Variants in ZFHX3 observed in about 807,000 individuals in gnomAD.
The protein encoded by ZFHX3 is zinc finger homeobox protein 3.
ZFHX3 carries 42 observed loss-of-function variants against 279.1 expected under a neutral mutation model. That is an observed-to-expected ratio of 0.15 (90% CI 0.12 to 0.19). The LOEUF is 0.19. ZFHX3 is among the 10% of genes least tolerant of loss of function. The probability of loss-of-function intolerance (pLI) is 1.00; values close to 1 mark genes in which losing one functional copy is unlikely to be tolerated. For synonymous variants in ZFHX3, 2,293 were observed against 1,957.8 expected, an observed-to-expected ratio of 1.17 and a Z score of -4.52; for missense variants, 4,981 against 4,754.0, an observed-to-expected ratio of 1.05 and a Z score of -1.40.
chr16:73,532,007 G>A (rs67552815), intron 2 of ZFHX3, among the ~76,000 whole-genome samples: 31,168 of 151,722 alleles, frequency 0.21, 4,195 homozygotes, highest in Non-Finnish European at 0.3. Context: ...AAAATGGCCT[G>A]AGCCCATGAG....
chr16:73,649,894 A>G (rs1164716487), intron 2 of ZFHX3, among the ~76,000 whole-genome samples: 1 of 152,316 alleles, frequency 6.6e-6, no homozygotes, highest in South Asian at 2.1e-4. Flanking sequence ...GCAAGAGGAA[A>G]TCTGCATTTG....
intron 3 of ZFHX3, among the ~76,000 whole-genome samples, chr16:73,417,988 C>CAAAAAAAAA (rs71156161): frequency 1.7e-5 from 1 of 57,854 alleles, no homozygotes; most frequent in Non-Finnish European, 2.8e-5. Context: ...GACTCCATCT[C>CAAAAAAAAA]AAAAAAAAAA....
chr16:73,159,538 T>C (rs1967176608), intron 5 of ZFHX3, among the ~76,000 whole-genome samples: 1 of 152,114 alleles, frequency 6.6e-6, no homozygotes, highest in African/African-American at 2.4e-5. Flanking sequence ...CCACTTCAGC[T>C]GACACGGAGC....
intron 7 of ZFHX3, among the ~76,000 whole-genome samples, chr16:72,808,358 A>C (rs1364832701): frequency 6.6e-6 from 1 of 152,110 alleles, no homozygotes; most frequent in Non-Finnish European, 1.5e-5. Context: ...TTCCTGCTGA[A>C]CTAAAGGCCT....
chr16:73,398,383 T>C (rs893590858), intron 3 of ZFHX3, among the ~76,000 whole-genome samples: 5 of 152,172 alleles, frequency 3.3e-5, no homozygotes, highest in Non-Finnish European at 5.9e-5. Flanking sequence ...AAACAACACA[T>C]CAGCATTTCT....
intron 8 of ZFHX3, among the ~76,000 whole-genome samples, chr16:73,091,285 C>T (rs1197778073): frequency 4.0e-5 from 6 of 151,324 alleles, no homozygotes; most frequent in East Asian, 1.9e-4. Context: ...AGCAGTGTCA[C>T]GCTTTTCCAA....
chr16:73,661,695 C>T (rs1254311305), intron 2 of ZFHX3, among the ~76,000 whole-genome samples: 1 of 145,464 alleles, frequency 6.9e-6, no homozygotes, highest in East Asian at 2.0e-4. Flanking sequence ...GCACTCCAGC[C>T]TGGACAACAA....
chr16:72,797,280 T>A lies in ZFHX3; in HGVS notation c.5402A>T (p.Tyr1801Phe). Reference sequence around the variant, plus strand: ...AAGCTGGAACTCAGCACTGGGGATGTAGAAAGGGAAGAGGAGGTGCTGCTG... The same window carrying A: ...AAGCTGGAACTCAGCACTGGGGATGAAGAAAGGGAAGAGGAGGTGCTGCTG... The part of the protein sequence containing the change: ...QQQQHLLFPF[Y>F]IPSAEFQLNP... Residue 1801 changes from tyrosine (Y) to phenylalanine (F), a missense_variant, in exon 9 of 10, where the codon TAC becomes TTC. Tyr to Phe is a conservative substitution (Grantham distance 22). This residue lies in a region of ZFHX3 where 1,751 missense variants were observed against 1,770.0 expected (regional missense o/e 0.99). Transcript: ENST00000268489. 5 of 1,610,384 alleles carry A rather than the reference T, an allele frequency of 3.1e-6. No individual in the cohort carries two copies. Among genetic ancestry groups the A allele is most frequent in the Non-Finnish European group, 4.2e-6 (5 of 1,177,790 alleles).
rs560943760 is a variant in ZFHX3 at position 72,794,967 on chromosome 16, A to G, written c.7715T>C (p.Met2572Thr). 8 of 1,614,174 alleles carry G rather than the reference A, an allele frequency of 5.0e-6. No individual in the cohort carries two copies. In the Admixed American group the frequency reaches 6.7e-5, roughly 13 times the overall value. ...ACTGGGATCAAAGAGCATGAAAGGC[A>G]TATCCAGGGACCTGTCCAAAAACTG... ...HPQFLDRSLDMPFMLFDPSNP... is the reference protein window; with the variant it reads ...HPQFLDRSLDTPFMLFDPSNP... The change falls in exon 9 of 10, where the codon ATG becomes ACG. Residue 2572 changes from methionine to threonine, a missense_variant. Physicochemically the swap from Met to Thr is moderately conservative, Grantham distance 81 (BLOSUM62 -1). Coordinates refer to ENST00000268489, the MANE Select transcript of ZFHX3 (RefSeq NM_006885.4). This position sits in a 1 kb window ranked among gnomAD's most constrained non-coding sequence, Gnocchi z 4.2.
chr16:73,529,375 G>C (rs1199297043), intron 2 of ZFHX3, among the ~76,000 whole-genome samples: 1 of 152,204 alleles, frequency 6.6e-6, no homozygotes, highest in Non-Finnish European at 1.5e-5. Context: ...AAAATATTGT[G>C]TCCGTTCTAG....
At chr16:72,946,730 C>T (rs1282239144) in intron 3 of ZFHX3, among the ~76,000 whole-genome samples, 1 of 152,194 alleles carries the variant, frequency 6.6e-6, no homozygotes, top group African/African-American at 2.4e-5. Context: ...GGGCAGAGGG[C>T]AAGCATGTGT....
chr16:73,747,298 T>C (rs1266252725), intron 1 of ZFHX3, among the ~76,000 whole-genome samples: 1 of 152,174 alleles, frequency 6.6e-6, no homozygotes, highest in Non-Finnish European at 1.5e-5. Context: ...TTGGGAGGAT[T>C]GCTTGAGCCT....
At chr16:73,735,159 C>T (rs570240410) in intron 1 of ZFHX3, among the ~76,000 whole-genome samples, 4 of 152,256 alleles carry the variant, frequency 2.6e-5, no homozygotes, top group Non-Finnish European at 4.4e-5. Flanking sequence ...ATGCACAAAA[C>T]TTGTTTCATC....
intron 5 of ZFHX3, among the ~76,000 whole-genome samples, chr16:73,255,645 C>T (rs1013952666): frequency 6.6e-6 from 1 of 152,146 alleles, no homozygotes; most frequent in Non-Finnish European, 1.5e-5. Flanking sequence ...CTGATCCTGG[C>T]AGGGAGTCTC....
chr16:73,207,857 G>A (rs2011866390), intron 5 of ZFHX3, among the ~76,000 whole-genome samples: 1 of 152,164 alleles, frequency 6.6e-6, no homozygotes, highest in Admixed American at 6.5e-5. Context: ...AACATGGCAG[G>A]TGTAAATTGC....
intron 3 of ZFHX3, among the ~76,000 whole-genome samples, chr16:73,444,487 G>A (rs1001335657): frequency 1.3e-5 from 2 of 152,180 alleles, no homozygotes; most frequent in Non-Finnish European, 2.9e-5. Flanking sequence ...TAACCACAAG[G>A]TCAGATAGTT....
At chr16:73,030,330 TCTC>T (rs994309388) in intron 1 of ZFHX3, among the ~76,000 whole-genome samples, 3 of 152,156 alleles carry the variant, frequency 2.0e-5, no homozygotes, top group Non-Finnish European at 4.4e-5. Context: ...GCAGGTTCAT[TCTC>T]CTCCACGCTG....
At chr16:72,932,414 T>A (rs1222080440) in intron 3 of ZFHX3, among the ~76,000 whole-genome samples, 1 of 152,084 alleles carries the variant, frequency 6.6e-6, no homozygotes, top group Non-Finnish European at 1.5e-5. Context: ...AGTACTTCAC[T>A]AGATCACTTT....
intron 4 of ZFHX3, among the ~76,000 whole-genome samples, chr16:73,302,098 A>G (rs886467308): frequency 1.3e-5 from 2 of 152,188 alleles, no homozygotes; most frequent in Admixed American, 1.3e-4. Flanking sequence ...GAGACAGAAG[A>G]CAAAAGGAGC....
Sources: gnomAD v4.1 joint callset for allele counts (sites outside exome capture counted in the v4.1 genomes callset) on GRCh38, gnomAD v4.1.1 for gene constraint, gnomAD v4.1.1 regional missense constraint, Gnocchi (gnomAD v3.1) non-coding constraint, MANE v1.5 for transcripts, NCBI Gene and HGNC (gene_info 2026-07-23, HGNC 2026-07-21) for gene names.